The following TBC1D5 variants were observed in gnomAD, a reference collection of about 807,000 sequenced individuals.
TBC1D5 encodes TBC1 domain family member 5.
Under a neutral mutation model 100.3 loss-of-function variants are expected in TBC1D5, and 75 were observed. That is an observed-to-expected ratio of 0.75 (90% CI 0.62 to 0.91). TBC1D5 has a LOEUF of 0.91. Ranked by LOEUF, TBC1D5 falls within the 40% of genes least tolerant of loss-of-function variation. The probability of loss-of-function intolerance (pLI) is 0.00; values close to 1 mark genes in which losing one functional copy is unlikely to be tolerated. For missense variants in TBC1D5, 910 were observed against 942.4 expected, an observed-to-expected ratio of 0.97 and a Z score of 0.45; for synonymous variants, 323 against 325.6, an observed-to-expected ratio of 0.99 and a Z score of 0.09.
intron 2 of TBC1D5, among the ~76,000 whole-genome samples, chr3:17,599,247 A>C (rs2060775603): frequency 6.6e-6 from 1 of 152,010 alleles, no homozygotes; most frequent in African/African-American, 2.4e-5. Context: ...CCCCGCCCAA[A>C]TGTTGCTTTT....
intron 1 of TBC1D5, among the ~76,000 whole-genome samples, chr3:17,651,538 G>A (rs987534941): frequency 2.0e-5 from 3 of 152,084 alleles, no homozygotes; most frequent in Admixed American, 6.5e-5. Context: ...GTGAAACACC[G>A]TCTCTACTGA....
At chr3:17,690,858 T>TA (rs2071050544) in intron 1 of TBC1D5, among the ~76,000 whole-genome samples, 2 of 152,210 alleles carry the variant, frequency 1.3e-5, no homozygotes, top group African/African-American at 4.8e-5. Flanking sequence ...ACTGCTGCTT[T>TA]ATAAGACTAA....
chr3:17,433,152 A>G (rs926219014), intron 3 of TBC1D5, among the ~76,000 whole-genome samples: 5 of 152,120 alleles, frequency 3.3e-5, no homozygotes, highest in Non-Finnish European at 5.9e-5. Context: ...TGTTGTGCAT[A>G]TATGTTCTAC....
At chr3:17,697,330 T>C (rs555866838) in intron 1 of TBC1D5, among the ~76,000 whole-genome samples, 2 of 152,340 alleles carry the variant, frequency 1.3e-5, no homozygotes, top group South Asian at 2.1e-4. Flanking sequence ...TGTTTGCAGA[T>C]GACATGATTG....
chr3:17,445,253 A>G lies in TBC1D5; in HGVS notation c.98-16734T>C, dbSNP rs77685228. On this transcript the variant is annotated intron_variant, in intron 3 of 21. Coordinates refer to ENST00000253692, the Ensembl canonical transcript of TBC1D5. ...AGTAGTCAATTACAATGGCTAAATC[A>G]GGCCAATAATGGCCTCTTTTCATAT... Among the ~76,000 whole-genome samples, 527 of 152,308 alleles carry G rather than the reference A, an allele frequency of 3.5e-3. 3 individuals are homozygous for G. The highest frequency in any genetic ancestry group is 0.012 in the African/African-American group (512 of 41,584).
At chr3:17,180,674 A>G (rs966723981) in intron 19 of TBC1D5, among the ~76,000 whole-genome samples, 2 of 152,198 alleles carry the variant, frequency 1.3e-5, no homozygotes, top group African/African-American at 2.4e-5. Context: ...CCACTCAGAA[A>G]TAGTCAAATT....
intron 1 of TBC1D5, among the ~76,000 whole-genome samples, chr3:17,651,946 G>T (rs1025922225): frequency 6.6e-6 from 1 of 152,044 alleles, no homozygotes; most frequent in African/African-American, 2.4e-5. Context: ...AGAGGACATC[G>T]GATCTTCCAG....
intron 1 of TBC1D5, among the ~76,000 whole-genome samples, chr3:17,646,579 T>C (rs1577210023): frequency 6.6e-6 from 1 of 152,248 alleles, no homozygotes; most frequent in East Asian, 1.9e-4. Context: ...CTGTCGATCT[T>C]TCCATTTTTA....
chr3:17,345,747 A>T (rs903338133), intron 13 of TBC1D5, among the ~76,000 whole-genome samples: 8 of 152,246 alleles, frequency 5.3e-5, no homozygotes, highest in Non-Finnish European at 8.8e-5. Context: ...GCCATAAAAA[A>T]TGATGAGTTC....
At chr3:17,530,090 A>G (rs2096199110) in intron 2 of TBC1D5, among the ~76,000 whole-genome samples, 1 of 152,054 alleles carries the variant, frequency 6.6e-6, no homozygotes, top group South Asian at 2.1e-4. Context: ...CTAAAAATAC[A>G]AAAATTAGCC....
intron 1 of TBC1D5, among the ~76,000 whole-genome samples, chr3:17,674,395 T>C (rs1342356881): frequency 1.3e-5 from 2 of 152,222 alleles, no homozygotes; most frequent in African/African-American, 2.4e-5. Flanking sequence ...CCATAAAAAC[T>C]GATAAATATT....
chr3:17,511,701 A>G (rs2095909644), intron 2 of TBC1D5, among the ~76,000 whole-genome samples: 1 of 152,050 alleles, frequency 6.6e-6, no homozygotes, highest in Non-Finnish European at 1.5e-5. Context: ...ATAATTCTTT[A>G]GAACTTAACA....
intron 1 of TBC1D5, among the ~76,000 whole-genome samples, chr3:17,732,729 A>AAATAAATG (rs1196826826): frequency 1.1e-4 from 16 of 150,990 alleles, no homozygotes; most frequent in African/African-American, 3.6e-4. Context: ...AAAAATAAAT[A>AAATAAATG]AATAAATAAA....
chr3:17,675,018 T>C (rs981607388), intron 1 of TBC1D5, among the ~76,000 whole-genome samples: 7 of 152,144 alleles, frequency 4.6e-5, no homozygotes, highest in African/African-American at 1.2e-4. Context: ...ACTATCTATA[T>C]GTTTTTGGTG....
intron 19 of TBC1D5, among the ~76,000 whole-genome samples, chr3:17,179,954 C>G (rs1043605157): frequency 1.3e-5 from 2 of 152,184 alleles, no homozygotes; most frequent in Admixed American, 6.5e-5. Flanking sequence ...CTCAGCCCAG[C>G]TGCTCACAGA....
chr3:17,316,282 G>A (rs1011001597), intron 13 of TBC1D5, among the ~76,000 whole-genome samples: 6 of 152,236 alleles, frequency 3.9e-5, no homozygotes, highest in South Asian at 2.1e-4. Context: ...TTGTGAGGCA[G>A]TGGCCATGGG....
intron 1 of TBC1D5, among the ~76,000 whole-genome samples, chr3:17,725,615 C>T (rs2076058460): frequency 6.6e-6 from 1 of 152,102 alleles, no homozygotes; most frequent in Non-Finnish European, 1.5e-5. Flanking sequence ...AGTAAAAGCT[C>T]CTCAGAATGT....
At chr3:17,348,171 T>C (rs930895157) in intron 13 of TBC1D5, among the ~76,000 whole-genome samples, 6 of 152,206 alleles carry the variant, frequency 3.9e-5, no homozygotes, top group Non-Finnish European at 8.8e-5. Context: ...GGACAAATAA[T>C]TTCTCCTATA....
intron 14 of TBC1D5, among the ~76,000 whole-genome samples, chr3:17,295,869 C>T (rs1252590697): frequency 6.6e-6 from 1 of 152,100 alleles, no homozygotes; most frequent in Admixed American, 6.5e-5. Flanking sequence ...TCTCATGAGT[C>T]CTCCTAATTC....
Sources: gnomAD v4.1 joint callset for allele counts (sites outside exome capture counted in the v4.1 genomes callset) on GRCh38, gnomAD v4.1.1 for gene constraint, MANE v1.5 for transcripts, NCBI Gene and HGNC (gene_info 2026-07-23, HGNC 2026-07-21) for gene names.